The following SYNE2 variants were observed in gnomAD, a reference collection of about 807,000 sequenced individuals.
The protein encoded by SYNE2 is spectrin repeat containing nuclear envelope protein 2.
Under a neutral mutation model 856.3 loss-of-function variants are expected in SYNE2, and 431 were observed. The ratio of observed to expected loss-of-function variants is 0.50; its 90% CI spans 0.47 to 0.55. SYNE2 has a LOEUF of 0.55. SYNE2 is among the 20% of genes least tolerant of loss of function. The pLI, the probability that SYNE2 is intolerant of heterozygous loss-of-function variation, is 0.00. For missense variants in SYNE2, 8,129 were observed against 8,023.2 expected, an observed-to-expected ratio of 1.01 and a Z score of -0.50; for synonymous variants, 2,923 against 2,872.3, an observed-to-expected ratio of 1.02 and a Z score of -0.56.
intron 85 of SYNE2, among the ~76,000 whole-genome samples, 162 bp downstream of exon 85, chr14:64,152,878 T>C (rs1441094060): frequency 6.6e-6 from 1 of 152,242 alleles, no homozygotes; most frequent in Non-Finnish European, 1.5e-5. Context: ...TCAAGTCCCA[T>C]TTTATGCACT....
intron 82 of SYNE2, among the ~76,000 whole-genome samples, chr14:64,142,690 C>A (rs1331545792): frequency 6.6e-6 from 1 of 152,296 alleles, no homozygotes; most frequent in African/African-American, 2.4e-5. Context: ...CAGGGGCCAT[C>A]CTTCACCTTG....
At chr14:64,103,609 T>C (rs2097752495) in intron 64 of SYNE2, among the ~76,000 whole-genome samples, 1 of 152,110 alleles carries the variant, frequency 6.6e-6, no homozygotes, top group South Asian at 2.1e-4. Flanking sequence ...GCCAACTCTT[T>C]CCTTAATCAT....
chr14:64,203,240 T>G (rs1338247820), intron 100 of SYNE2, among the ~76,000 whole-genome samples: 1 of 152,252 alleles, frequency 6.6e-6, no homozygotes, highest in African/African-American at 2.4e-5. Context: ...TTATGTCTTT[T>G]TTTAACTGAT....
At chr14:64,181,430 A>G (rs905826788) in intron 96 of SYNE2, among the ~76,000 whole-genome samples, 1 of 152,254 alleles carries the variant, frequency 6.6e-6, no homozygotes, top group African/African-American at 2.4e-5. Flanking sequence ...AGAACATGAA[A>G]TGTAAACCCT....
Position 64,162,202 on chromosome 14 carries a change from C to A in SYNE2, c.16225C>A (p.Gln5409Lys). ...ARLKQQEAKF[Q>K]QLANISMSGN... ...GCTGAAGCAGCAGGAAGCAAAGTTT[C>A]AACAGCTCGCAAACATCAGCATGTC... The change falls in exon 88 of 116, where the codon CAA becomes AAA. Residue 5409 changes from glutamine to lysine, a missense_variant. Physicochemically the swap from Gln to Lys is moderately conservative, Grantham distance 53 (BLOSUM62 1). This residue lies in a region of SYNE2 where 5,410 missense variants were observed against 5,284.8 expected (regional missense o/e 1.02). Coordinates refer to ENST00000555002, the MANE Select transcript of SYNE2 (RefSeq NM_182914.3). The A allele has an allele frequency of 6.2e-7, 1 of 1,614,228 alleles. No homozygotes were observed. The highest frequency in any genetic ancestry group is 8.5e-7 in the Non-Finnish European group (1 of 1,180,034).
intron 96 of SYNE2, among the ~76,000 whole-genome samples, chr14:64,182,581 G>A (rs1003447975): frequency 1.3e-5 from 2 of 151,952 alleles, no homozygotes; most frequent in African/African-American, 2.4e-5. Flanking sequence ...ATTAGGGAGT[G>A]GTGATGACTC....
rs185297346 is a variant in SYNE2, at chr14:63,836,064, C to T, written c.-304-16437C>T. Among the ~76,000 whole-genome samples the T allele has an allele frequency of 1.1e-3, 169 of 151,950 alleles. 1 individual carries two copies. The highest frequency in any genetic ancestry group is 3.4e-3 in the Middle Eastern group (1 of 292). On this transcript the variant is annotated intron_variant, in intron 1 of 23. Transcript: ENST00000674003. Reference sequence around the variant, plus strand: ...CATTTCTAGTTCCTTTTGACAGGGTCGCACTGTGTCACTCAGGCTGGAGTG... The same window carrying T: ...CATTTCTAGTTCCTTTTGACAGGGTTGCACTGTGTCACTCAGGCTGGAGTG...
intron 110 of SYNE2, 107 bp from the exon 111 acceptor site, chr14:64,220,330 C>T (rs892091302): frequency 8.1e-6 from 10 of 1,237,234 alleles, no homozygotes; most frequent in Admixed American, 3.7e-5. Flanking sequence ...TTTCTGTGGC[C>T]GCAGCTTGGA....
chr14:63,973,631 CAAAA>C (rs60498158), intron 11 of SYNE2, among the ~76,000 whole-genome samples: 3 of 67,784 alleles, frequency 4.4e-5, no homozygotes, highest in African/African-American at 5.6e-5. Context: ...GAGTCCATCT[CAAAA>C]AAAAAAAAAA....
At chr14:63,889,683 G>A (rs988054226) in intron 1 of SYNE2, among the ~76,000 whole-genome samples, 19 of 151,964 alleles carry the variant, frequency 1.3e-4, no homozygotes, top group East Asian at 1.2e-3. Context: ...TCCCTATGTT[G>A]CCTGGGCTGG....
In SYNE2 at chr14:64,090,886, T is replaced by C. The variant is rs1481552402; in HGVS notation, c.11814T>C (p.Arg3938=). The change falls in exon 60 of 116, where the codon CGT becomes CGC. Residue 3938 remains arginine (R), a synonymous_variant. Coordinates refer to ENST00000555002, the MANE Select transcript of SYNE2 (RefSeq NM_182914.3). ...TTAAGGTCATACTTGAAAATATACG[T>C]CCCATGAAGAAAACCATTGCTGAGA... ...KHGEVILENI[R]PMKKTIAEIV... 4 of 1,614,058 alleles carry C rather than the reference T, an allele frequency of 2.5e-6. No individual in the cohort carries two copies. The highest frequency in any genetic ancestry group is 2.2e-5 in the South Asian group (2 of 91,062).
Position 64,110,869 on chromosome 14 carries a change from C to T in SYNE2, c.12610-2472C>T, listed in dbSNP as rs1054760264. ...TTTAAAAAGAGGTGGGTGAACTGAT[C>T]TCTAGTGGGTTCCTCAGGCCACCCT... On this transcript the variant is annotated intron_variant, in intron 65 of 115. Coordinates refer to ENST00000555002, the MANE Select transcript of SYNE2 (RefSeq NM_182914.3). 2.0e-5 allele frequency among the ~76,000 whole-genome samples: 3 copies of T among 152,034 alleles called. No homozygotes were observed. The East Asian group carries it at 5.8e-4, about 29-fold the overall frequency.
chr14:64,189,150 ATGG>A, intron 98 of SYNE2: 1 of 599,034 alleles, frequency 1.7e-6, no homozygotes, highest in East Asian at 2.8e-5. Flanking sequence ...CCTGGCTGAC[ATGG>A]TGAAACCTCG....
chr14:64,048,039 C>T lies in SYNE2; in HGVS notation c.7261C>T (p.Leu2421Phe). Residue 2421 changes from leucine to phenylalanine, a missense_variant, in exon 46 of 116, where the codon CTT becomes TTT. By Grantham distance (22) the Leu-to-Phe change is conservative. Transcript: ENST00000555002. Reference protein sequence around the residue: ...VEMAMSKQLSLNAQESMKNTE... With the variant: ...VEMAMSKQLSFNAQESMKNTE... ...AATGGCTATGTCAAAACAACTTTCTCTTAATGCTCAAGAAAGCATGAAAAA... is the reference window on the plus strand; with the variant it reads ...AATGGCTATGTCAAAACAACTTTCTTTTAATGCTCAAGAAAGCATGAAAAA... The T allele has an allele frequency of 6.2e-7, 1 of 1,613,792 alleles. No homozygotes were observed. Among genetic ancestry groups the T allele is most frequent in the Admixed American group, 1.7e-5 (1 of 60,022 alleles).
intron 66 of SYNE2, among the ~76,000 whole-genome samples, chr14:64,115,017 G>A (rs770146855): frequency 6.6e-6 from 1 of 152,160 alleles, no homozygotes; most frequent in Non-Finnish European, 1.5e-5. Flanking sequence ...GCCATAGAGC[G>A]TCATACAGCA....
chr14:63,996,907 C>T, intron 23 of SYNE2, 40 bp from the exon 24 acceptor site: 1 of 1,586,936 alleles, frequency 6.3e-7, no homozygotes, highest in African/African-American at 1.3e-5. Context: ...ATCATGTAAA[C>T]TCACCAGAAG....
intron 66 of SYNE2, among the ~76,000 whole-genome samples, chr14:64,116,040 G>A (rs980451368): frequency 6.6e-6 from 1 of 152,086 alleles, no homozygotes; most frequent in African/African-American, 2.4e-5. Flanking sequence ...GCATGGTGGT[G>A]TGTATCTGTA....
intron 45 of SYNE2, among the ~76,000 whole-genome samples, chr14:64,045,114 C>T (rs2097176465): frequency 6.6e-6 from 1 of 152,154 alleles, no homozygotes; most frequent in African/African-American, 2.4e-5. Flanking sequence ...CTCCCTGCCA[C>T]AAGCAAAGGA....
intron 61 of SYNE2, 66 bp from the exon 62 acceptor site, chr14:64,097,883 C>T: frequency 6.6e-7 from 1 of 1,520,186 alleles, no homozygotes; most frequent in Non-Finnish European, 9.1e-7. Flanking sequence ...CCAAAGGAAG[C>T]AGGCTGCTCT....
Sources: gnomAD v4.1 joint callset for allele counts (sites outside exome capture counted in the v4.1 genomes callset) on GRCh38, gnomAD v4.1.1 for gene constraint, gnomAD v4.1.1 regional missense constraint, MANE v1.5 for transcripts, NCBI Gene and HGNC (gene_info 2026-07-23, HGNC 2026-07-21) for gene names.